DHX33: variants seen among roughly 807,000 people sequenced by gnomAD.
DHX33 encodes the protein DEAH-box helicase 33.
A neutral mutation model predicts 72.5 loss-of-function variants in DHX33; 42 were observed. That is an observed-to-expected ratio of 0.58 (90% CI 0.45 to 0.75). DHX33 has a LOEUF of 0.75. Among genes scored for constraint, DHX33 ranks in the 30% least tolerant of loss-of-function variants. The pLI, the probability that DHX33 is intolerant of heterozygous loss-of-function variation, is 0.00. For missense variants in DHX33, 842 were observed against 917.5 expected (o/e 0.92, Z 1.06); for synonymous variants, 358 against 366.1 (o/e 0.98, Z 0.25).
At position 5,463,741 on chromosome 17, in the gene DHX33, C is replaced by T. The variant is rs1158712837; in HGVS notation, c.290-52G>A. ...AGGCTCACTGAAATGCAAACTGGGG[C>T]TCGGCACCAGGGCTGGCACCTATAA... On this transcript the variant is annotated intron_variant, in intron 1 of 11. Coordinates refer to ENST00000225296, the MANE Select transcript of DHX33 (RefSeq NM_020162.4). The T allele has an allele frequency of 5.2e-6, 8 of 1,525,094 alleles. No individual in the cohort carries two copies. In the African/African-American group the frequency reaches 9.8e-5, roughly 19 times the overall value. The allele number at this position is 1,525,094 out of a possible 1,614,324, so 94.5% of individuals were successfully genotyped here. A position where few individuals can be genotyped will look rare whatever the true frequency, so the allele number is the denominator to read the frequency against.
At chr17:5,452,870 G>GT (rs1344615074) in intron 8 of DHX33, among the ~76,000 whole-genome samples, 1 of 152,206 alleles carries the variant, frequency 6.6e-6, no homozygotes, top group Non-Finnish European at 1.5e-5. Flanking sequence ...CAGGACCCTT[G>GT]TATACCCATC....
intron 4 of DHX33, among the ~76,000 whole-genome samples, chr17:5,459,940 C>G (rs1019355771): frequency 2.0e-5 from 3 of 151,592 alleles, no homozygotes; most frequent in African/African-American, 7.3e-5. Context: ...AGCCACCATG[C>G]CTGGCCAGAA....
intron 1 of DHX33, among the ~76,000 whole-genome samples, chr17:5,468,328 A>G (rs1597366803): frequency 1.3e-5 from 2 of 151,574 alleles, no homozygotes; most frequent in Non-Finnish European, 2.9e-5. Flanking sequence ...ACGTTTCTCT[A>G]CCCTTTTACG....
intron 8 of DHX33, 26 bp from the exon 9 acceptor site, chr17:5,450,960 A>T (rs759379572): frequency 2.5e-6 from 4 of 1,604,978 alleles, no homozygotes; most frequent in Non-Finnish European, 3.4e-6. Context: ...CATAAAAAGG[A>T]GCCAAAAGTC....
In DHX33 at chr17:5,444,925, T is replaced by C. The variant is rs189747636; in HGVS notation, c.1816-412A>G. 1.3e-5 allele frequency among the ~76,000 whole-genome samples: 2 copies of C among 152,276 alleles called. No individual in the cohort carries two copies. The highest frequency in any genetic ancestry group is 4.8e-5 in the African/African-American group (2 of 41,570). ...CCTGCTGCTGCCAAGCTAATCTACC[T>C]AAAGCACAACTCGAATCACTCTTCA... is the stretch of plus-strand genomic sequence containing the variant. On this transcript the variant is annotated intron_variant, in intron 11 of 11. Coordinates refer to ENST00000225296, the MANE Select transcript of DHX33 (RefSeq NM_020162.4). The surrounding 1 kb of genome is among the most constrained non-coding windows in gnomAD (Gnocchi z 4.9).
Position 5,468,565 on chromosome 17 carries a change from A to G in DHX33, c.289+6T>C, listed in dbSNP as rs754362433. 3 of 1,605,144 alleles carry G rather than the reference A, an allele frequency of 1.9e-6. No homozygotes were observed. The highest frequency in any genetic ancestry group is 1.9e-4 in the Middle Eastern group (1 of 5,176). On this transcript the variant is annotated splice_donor_region_variant and intron_variant, in intron 1 of 11. Coordinates refer to ENST00000225296, the MANE Select transcript of DHX33 (RefSeq NM_020162.4). ...CAAGGAAGAGCCCGCCGGCGCGGCC[A>G]CTCACCGATGAGGACCGCGTTGTCC...
At position 5,453,662 on chromosome 17, in the gene DHX33, G is replaced by A. The variant is rs970170857; in HGVS notation, c.1314C>T (p.Asn438=). The change falls in exon 8 of 12, where the codon AAC becomes AAT. Residue 438 remains asparagine (N), a synonymous_variant. Transcript: ENST00000225296. The part of the protein sequence containing the change: ...KMTVPEIQRC[N]LASVMLQLLA... Reference sequence around the variant, plus strand: ...GAAGCTGAAGCATCACACTGGCCAGGTTACACCTGTGAAGAGCATGAGACC... The same window carrying A: ...GAAGCTGAAGCATCACACTGGCCAGATTACACCTGTGAAGAGCATGAGACC... 2.5e-6 allele frequency: 4 copies of A among 1,614,174 alleles called. No homozygotes were observed. The highest frequency in any genetic ancestry group is 2.2e-5 in the East Asian group (1 of 44,880).
At chr17:5,457,240 G>A (rs1212966587) in intron 4 of DHX33, among the ~76,000 whole-genome samples, 1 of 151,812 alleles carries the variant, frequency 6.6e-6, no homozygotes, top group Non-Finnish European at 1.5e-5. Context: ...CATGGGAGGC[G>A]GAGGTTGCAG....
chr17:5,450,254 G>A lies in DHX33; in HGVS notation c.1677C>T (p.His559=). 6.2e-7 allele frequency: 1 copy of A among 1,614,206 alleles called. No individual in the cohort carries two copies. Among genetic ancestry groups the A allele is most frequent in the Non-Finnish European group, 8.5e-7 (1 of 1,180,040 alleles). The change falls in exon 10 of 12, where the codon CAC becomes CAT. Residue 559 remains histidine (H), a synonymous_variant. Transcript: ENST00000225296. ...TCCGATAGATATTGAGCAGGGTCAT[G>A]TGATCCCCCTCGCTGGATATGAACT... ...RKKFISSEGD[H]MTLLNIYRTF...
At position 5,463,564 on chromosome 17, in the gene DHX33, C is replaced by G; in HGVS notation, c.415G>C (p.Val139Leu). Residue 139 changes from valine to leucine, a missense_variant, in exon 2 of 12, where the codon GTC becomes CTC. Physicochemically the swap from Val to Leu is conservative, Grantham distance 32 (BLOSUM62 1). Transcript: ENST00000225296. The part of the protein sequence containing the change: ...RVAAISLATR[V>L]SDEKRTELGK... ...AGTTCAGTTCTCTTCTCATCTGAGA[C>G]TCTAGTAGCAAGAGAGATGGCAGCT... 6.2e-7 allele frequency: 1 copy of G among 1,614,172 alleles called. No individual in the cohort carries two copies. The highest frequency in any genetic ancestry group is 8.5e-7 in the Non-Finnish European group (1 of 1,180,016).
chr17:5,465,423 G>A (rs1049273683), intron 1 of DHX33, among the ~76,000 whole-genome samples: 8 of 152,170 alleles, frequency 5.3e-5, no homozygotes, highest in Non-Finnish European at 7.3e-5. Flanking sequence ...CTATACCAGG[G>A]CAACAGAGCG....
chr17:5,447,014 G>A (rs966266820), intron 11 of DHX33, among the ~76,000 whole-genome samples: 3 of 152,242 alleles, frequency 2.0e-5, no homozygotes, highest in African/African-American at 7.2e-5. Flanking sequence ...TCTCCCAGCA[G>A]CGTCCGCACT....
intron 1 of DHX33, among the ~76,000 whole-genome samples, chr17:5,464,117 C>T (rs893377070): frequency 1.3e-5 from 2 of 152,204 alleles, no homozygotes; most frequent in Non-Finnish European, 2.9e-5. Flanking sequence ...AGGAGGATCA[C>T]TTGAGCCCAG....
In DHX33 at chr17:5,468,843, C is replaced by T. The variant is rs61733320; in HGVS notation, c.17G>A (p.Gly6Asp). 2.6e-6 allele frequency: 4 copies of T among 1,558,710 alleles called. No individual in the cohort carries two copies. Among genetic ancestry groups the T allele is most frequent in the East Asian group, 4.8e-5 (2 of 41,650 alleles). Residue 6 changes from glycine (G) to aspartate (D), a missense_variant, in exon 1 of 12, where the codon GGC (glycine) becomes GAC (aspartate). Coordinates refer to ENST00000225296, the MANE Select transcript of DHX33 (RefSeq NM_020162.4). Reference protein sequence around the residue: MPEEAGFPPAKRFRPG... With the variant: MPEEADFPPAKRFRPG... ...CCGGAATCTCTTGGCCGGCGGGAAGCCCGCCTCCTCCGGCATGTCGGGAGG... is the reference window on the plus strand; with the variant it reads ...CCGGAATCTCTTGGCCGGCGGGAAGTCCGCCTCCTCCGGCATGTCGGGAGG...
intron 2 of DHX33, among the ~76,000 whole-genome samples, chr17:5,463,036 G>A (rs1033148510): frequency 1.3e-5 from 2 of 151,594 alleles, no homozygotes; most frequent in East Asian, 1.9e-4. Flanking sequence ...CCAAGATTGC[G>A]CCACTGCACC....
intron 4 of DHX33, among the ~76,000 whole-genome samples, chr17:5,457,389 G>A (rs867292697): frequency 5.3e-5 from 8 of 152,174 alleles, no homozygotes; most frequent in Non-Finnish European, 1.2e-4. Context: ...TTGGGAGGCT[G>A]AGGCAGGCAA....
In DHX33 at chr17:5,460,931, C is replaced by T; in HGVS notation, c.849+8G>A. ...GAACTTTTCAGGAATTTGCCCCCAG[C>T]ACCATACCTGGTGGATCTGGAAGAC... On this transcript the variant is annotated splice_region_variant and intron_variant, in intron 4 of 11. Coordinates refer to ENST00000225296, the MANE Select transcript of DHX33 (RefSeq NM_020162.4). 2.5e-6 allele frequency: 4 copies of T among 1,608,394 alleles called. No homozygotes were observed. Among genetic ancestry groups the T allele is most frequent in the Non-Finnish European group, 3.4e-6 (4 of 1,175,876 alleles).
chr17:5,450,388 T>C lies in DHX33; in HGVS notation c.1543A>G (p.Lys515Glu), dbSNP rs148931890. ...AGGATCTCCTCTGTACAGTGGAATT[T>C]GGGGGACATGAGGATGGTCTGCAAA... ...KFAKTILMSPKFHCTEEILTI... is the reference protein window; with the variant it reads ...KFAKTILMSPEFHCTEEILTI... The change falls in exon 10 of 12, where the codon AAA becomes GAA. Residue 515 changes from lysine to glutamate, a missense_variant. Transcript: ENST00000225296. The C allele has an allele frequency of 9.5e-5, 154 of 1,614,102 alleles. No homozygotes were observed. The African/African-American group carries it at 1.7e-3, about 17-fold the overall frequency.
chr17:5,467,826 C>T (rs1284552202), intron 1 of DHX33, among the ~76,000 whole-genome samples: 1 of 152,208 alleles, frequency 6.6e-6, no homozygotes, highest in Non-Finnish European at 1.5e-5. Flanking sequence ...GGGCTCCTGA[C>T]CGAAATCGGC....
Sources: allele counts gnomAD v4.1 joint callset (sites outside exome capture counted in the v4.1 genomes callset), GRCh38; gene constraint gnomAD v4.1.1; non-coding constraint Gnocchi (gnomAD v3.1); transcripts MANE v1.5; gene names NCBI Gene and HGNC (gene_info 2026-07-23, HGNC 2026-07-21).